Variants in FHL2 observed in about 807,000 individuals in gnomAD.
FHL2 encodes four and a half LIM domains 2.
Under a neutral mutation model 32.7 loss-of-function variants are expected in FHL2, and 20 were observed. The ratio of observed to expected loss-of-function variants is 0.61; its 90% confidence interval spans 0.43 to 0.89. The LOEUF is 0.89. FHL2 is among the 40% of genes least tolerant of loss of function. The pLI, the probability that FHL2 is intolerant of heterozygous loss-of-function variation, is 0.00. For synonymous variants in FHL2, 123 were observed against 128.1 expected (o/e 0.96, Z 0.27); for missense variants, 311 against 358.6 (o/e 0.87, Z 1.07).
intron 1 of FHL2, among the ~76,000 whole-genome samples, chr2:105,409,600 C>T (rs1446644362): frequency 6.6e-6 from 1 of 152,144 alleles, no homozygotes; most frequent in Non-Finnish European, 1.5e-5. Flanking sequence ...TCAATGCTAC[C>T]ATTTTGATCA....
intron 6 of FHL2, chr2:105,363,036 G>A: frequency 2.1e-6 from 1 of 475,798 alleles, no homozygotes; most frequent in South Asian, 3.2e-5. Context: ...CCAACCCAAA[G>A]CAGAAACTAA....
Position 105,363,406 on chromosome 2 carries a change from G to A in FHL2, c.567C>T (p.Thr189=), listed in dbSNP as rs771650916. The A allele has an allele frequency of 6.8e-6, 11 of 1,613,368 alleles. No homozygotes were observed. The highest frequency in any genetic ancestry group is 1.7e-5 in the Admixed American group (1 of 59,908). The change falls in exon 6 of 7, where the codon ACC becomes ACT. Residue 189 remains threonine, a synonymous_variant. Transcript: ENST00000530340. ...GCCCAGACAGCTGCTTCCTGCAGGC[G>A]GTGCACACGAAGCACTCCTTGTGCC... ...QPWHKECFVC[T]ACRKQLSGQR...
At chr2:105,408,853 A>G (rs1683711618) in intron 1 of FHL2, among the ~76,000 whole-genome samples, 1 of 152,180 alleles carries the variant, frequency 6.6e-6, no homozygotes, top group Non-Finnish European at 1.5e-5. Flanking sequence ...GTCTTGAAAG[A>G]TTACTTTCTT....
chr2:105,420,403 A>T (rs772196477), intron 1 of FHL2, among the ~76,000 whole-genome samples: 13 of 152,152 alleles, frequency 8.5e-5, no homozygotes, highest in Non-Finnish European at 1.8e-4. Flanking sequence ...GGGATACCCT[A>T]ATGACCTCCT....
intron 1 of FHL2, among the ~76,000 whole-genome samples, chr2:105,436,300 T>C (rs1304712017): frequency 6.6e-6 from 1 of 152,186 alleles, no homozygotes; most frequent in Admixed American, 6.5e-5. Context: ...CCAGTAATAG[T>C]GTAGAAGTCA....
At chr2:105,414,544 T>TGTTTG (rs541301122) in intron 1 of FHL2, among the ~76,000 whole-genome samples, 8 of 152,108 alleles carry the variant, frequency 5.3e-5, no homozygotes, top group African/African-American at 9.7e-5. Context: ...TAAAGGTTTT[T>TGTTTG]GTTTGGTTTG....
chr2:105,395,194 A>G (rs1330256678), intron 2 of FHL2, among the ~76,000 whole-genome samples: 1 of 152,174 alleles, frequency 6.6e-6, no homozygotes, highest in East Asian at 1.9e-4. Flanking sequence ...TTGTCATTTA[A>G]TCTCAAAACA....
chr2:105,381,649 G>C (rs1681893752), intron 3 of FHL2, among the ~76,000 whole-genome samples: 1 of 152,116 alleles, frequency 6.6e-6, no homozygotes. Flanking sequence ...TCTGATCCTA[G>C]GACCCTGCTT....
At chr2:105,408,866 C>T (rs1054342859) in intron 1 of FHL2, among the ~76,000 whole-genome samples, 14 of 152,138 alleles carry the variant, frequency 9.2e-5, no homozygotes, top group African/African-American at 3.4e-4. Flanking sequence ...ACTTTCTTCC[C>T]CTTTCCGTCT....
intron 1 of FHL2, among the ~76,000 whole-genome samples, chr2:105,416,933 T>C (rs755743018): frequency 7.2e-5 from 11 of 152,252 alleles, no homozygotes; most frequent in Non-Finnish European, 1.2e-4. Context: ...ATGCTTTGTC[T>C]GTCAGTTGTT....
At chr2:105,431,089 A>G (rs968734439) in intron 1 of FHL2, among the ~76,000 whole-genome samples, 3 of 152,220 alleles carry the variant, frequency 2.0e-5, no homozygotes, top group African/African-American at 7.2e-5. Flanking sequence ...GACCCTTATG[A>G]TGGGGAGGAA....
intron 1 of FHL2, among the ~76,000 whole-genome samples, chr2:105,413,347 A>G (rs577029591): frequency 2.2e-4 from 33 of 152,326 alleles, no homozygotes; most frequent in African/African-American, 7.7e-4. Context: ...CAGACTAACG[A>G]AACGATTTAT....
rs750799536 is a variant in FHL2 at position 105,373,742 on chromosome 2, C to T, written c.157-9G>A. On this transcript the variant is annotated splice_polypyrimidine_tract_variant and intron_variant, in intron 3 of 6. Coordinates refer to ENST00000530340, the MANE Select transcript of FHL2 (RefSeq NM_001318895.3). The stretch of plus-strand genomic sequence containing the variant: ...TCCTTGTAAGACAAGTCCTGTGGGG[C>T]CAGACCACACAAGACAGTCAGAGGC... 5.0e-6 allele frequency: 8 copies of T among 1,613,406 alleles called. No homozygotes were observed. The South Asian group carries it at 5.5e-5, about 11-fold the overall frequency.
rs574505748 is a variant in FHL2 at position 105,419,098 on chromosome 2, A to G, written c.-25+19301T>C. Among the ~76,000 whole-genome samples the G allele has an allele frequency of 3.9e-5, 6 of 152,342 alleles. No homozygotes were observed. The South Asian group carries it at 1.2e-3, about 32-fold the overall frequency. On this transcript the variant is annotated intron_variant, in intron 1 of 5. Coordinates refer to the FHL2 transcript ENST00000393352. ...ACAAAGTAGGCTTTCCTATACCCAT[A>G]CATCAGAAAGACAGACATGTAGATC... is the stretch of plus-strand genomic sequence containing the variant.
intron 3 of FHL2, chr2:105,385,841 A>G (rs558950344): frequency 6.2e-6 from 1 of 162,014 alleles, no homozygotes; most frequent in African/African-American, 2.4e-5. Context: ...TTCCCCATTG[A>G]AAGGAAACAA....
chr2:105,373,555 T>C lies in FHL2; in HGVS notation c.331+4A>G. ...TCACGCATGAGAAAGGAGTGCCTCC[T>C]GACCTGGCATGATGGTCTTCTTGCA... On this transcript the variant is annotated splice_donor_region_variant and intron_variant, in intron 4 of 6. Transcript: ENST00000530340. 6.2e-7 allele frequency: 1 copy of C among 1,614,224 alleles called. No individual in the cohort carries two copies. Among genetic ancestry groups the C allele is most frequent in the Non-Finnish European group, 8.5e-7 (1 of 1,180,034 alleles).
At chr2:105,412,214 A>G (rs1558726320) in intron 1 of FHL2, among the ~76,000 whole-genome samples, 1 of 152,250 alleles carries the variant, frequency 6.6e-6, no homozygotes, top group African/African-American at 2.4e-5. Flanking sequence ...CGTGAACAAC[A>G]TGTAGTACAT....
intron 2 of FHL2, among the ~76,000 whole-genome samples, chr2:105,387,423 A>C (rs528533689): frequency 6.6e-6 from 1 of 152,332 alleles, no homozygotes; most frequent in East Asian, 1.9e-4. Context: ...AAAAACTGCC[A>C]AAGTCCCTGA....
At chr2:105,424,769 G>T (rs552733203) in intron 1 of FHL2, among the ~76,000 whole-genome samples, 2 of 152,168 alleles carry the variant, frequency 1.3e-5, no homozygotes, top group Admixed American at 1.3e-4. Flanking sequence ...GCTAACACAG[G>T]AACAGAAAAC....
Sources: gnomAD v4.1 joint callset for allele counts (sites outside exome capture counted in the v4.1 genomes callset) on GRCh38, gnomAD v4.1.1 for gene constraint, MANE v1.5 for transcripts, NCBI Gene and HGNC (gene_info 2026-07-23, HGNC 2026-07-21) for gene names.